Variants in M1AP observed in about 807,000 individuals in gnomAD.
M1AP encodes meiosis 1 associated protein.
A neutral mutation model predicts 51.2 loss-of-function variants in M1AP; 39 were observed. The observed-to-expected ratio is 0.76, with a 90% CI of 0.59 to 1.00. The LOEUF (loss-of-function observed/expected upper bound fraction) is 1.00, where lower values mean the gene tolerates loss of function less well. M1AP is among the 50% of genes least tolerant of loss of function. M1AP has a pLI of 0.00. For synonymous variants in M1AP, 251 were observed against 249.2 expected (o/e 1.01, Z -0.07); for missense variants, 545 against 641.2 (o/e 0.85, Z 1.62).
chr2:74,619,968 A>G (rs1204730809), intron 2 of M1AP, among the ~76,000 whole-genome samples: 1 of 152,176 alleles, frequency 6.6e-6, no homozygotes, highest in Non-Finnish European at 1.5e-5. Flanking sequence ...CCCCAGATAC[A>G]TCCTTATTTA....
intron 7 of M1AP, among the ~76,000 whole-genome samples, chr2:74,562,745 GA>G (rs1338620908): frequency 1.3e-5 from 2 of 152,140 alleles, no homozygotes; most frequent in Non-Finnish European, 2.9e-5. Flanking sequence ...GGACTTTTAA[GA>G]ATTATAATTC....
intron 1 of M1AP, among the ~76,000 whole-genome samples, chr2:74,640,683 C>T (rs573431414): frequency 1.3e-4 from 20 of 152,140 alleles, no homozygotes; most frequent in African/African-American, 4.6e-4. Context: ...GTCTTGATCT[C>T]TTGACCTCAC....
At chr2:74,580,659 A>T (rs1222156952) in intron 5 of M1AP, among the ~76,000 whole-genome samples, 3 of 152,166 alleles carry the variant, frequency 2.0e-5, no homozygotes, top group African/African-American at 7.2e-5. Flanking sequence ...TAAAAACTCA[A>T]ATATACTGCC....
At chr2:74,622,538 G>T (rs1056442288) in intron 2 of M1AP, among the ~76,000 whole-genome samples, 1 of 141,764 alleles carries the variant, frequency 7.1e-6, no homozygotes, top group African/African-American at 2.8e-5. Flanking sequence ...CCCGGCCATT[G>T]CCTGCTTTTT....
chr2:74,607,599 G>A (rs1020429656), intron 3 of M1AP, among the ~76,000 whole-genome samples: 1 of 152,104 alleles, frequency 6.6e-6, no homozygotes, highest in Admixed American at 6.6e-5. Context: ...TCAGCCTCCT[G>A]GATAGCTGGG....
Position 74,615,045 on chromosome 2 carries a change from T to C in M1AP, c.345A>G (p.Ala115=), listed in dbSNP as rs115244056. ...TGAATTGCTGGAGCCCATCCTCTAC[T>C]GCCAGCCGCAGAGAAGCACCTTGTG... is the stretch of plus-strand genomic sequence containing the variant. ...FRSQGASLRL[A]VEDGLQQFKQ... is the part of the protein sequence containing the mutation. Residue 115 remains alanine (A), a synonymous_variant, in exon 3 of 11, where the codon GCA becomes GCG. Coordinates refer to ENST00000421985, the MANE Select transcript of M1AP (RefSeq NM_001321739.2). 2 of 1,614,060 alleles carry C rather than the reference T, an allele frequency of 1.2e-6. No homozygotes were observed. Among genetic ancestry groups the C allele is most frequent in the Admixed American group, 1.7e-5 (1 of 60,004 alleles).
intron 5 of M1AP, among the ~76,000 whole-genome samples, chr2:74,577,757 C>T (rs534420905): frequency 6.6e-6 from 1 of 152,284 alleles, no homozygotes; most frequent in African/African-American, 2.4e-5. Flanking sequence ...AGGACTCCAG[C>T]TTCCTCTTAT....
Position 74,558,808 on chromosome 2 carries a change from C to T in M1AP, c.1501G>A (p.Gly501Ser). The T allele has an allele frequency of 1.2e-6, 2 of 1,611,416 alleles. No homozygotes were observed. The change falls in exon 11 of 11, where the codon GGC becomes AGC. Residue 501 changes from glycine (G) to serine (S), a missense_variant. Transcript: ENST00000421985. ...VAPLPMTPVP[G>S]RASKMPAASK... ...GCTGCTGGCATCTTGGAGGCTCTGC[C>T]TGGGACAGGAGTCATAGGCAGGGGG... is the stretch of plus-strand genomic sequence containing the variant.
At chr2:74,620,253 A>C (rs181265731) in intron 2 of M1AP, among the ~76,000 whole-genome samples, 1 of 152,372 alleles carries the variant, frequency 6.6e-6, no homozygotes, top group African/African-American at 2.4e-5. Flanking sequence ...AAACAGTGTC[A>C]ATGTTCAGTT....
intron 2 of M1AP, among the ~76,000 whole-genome samples, chr2:74,635,387 T>C (rs527847135): frequency 6.6e-6 from 1 of 152,248 alleles, no homozygotes; most frequent in Non-Finnish European, 1.5e-5. Context: ...TTCCTTGTCA[T>C]TCTTGCCAGA....
chr2:74,611,979 C>T lies in M1AP; in HGVS notation c.426+2985G>A, dbSNP rs1272954976. On this transcript the variant is annotated intron_variant, in intron 3 of 10. Transcript: ENST00000421985. The stretch of plus-strand genomic sequence containing the variant: ...CGCGATCTCGGCTCACTGCAAGCTC[C>T]GCCTCCCAGGTTCACGCCATTCTCC... Among the ~76,000 whole-genome samples, 18 of 129,846 alleles carry T rather than the reference C, an allele frequency of 1.4e-4. No homozygotes were observed. The South Asian group carries it at 1.7e-3, about 12-fold the overall frequency. The allele number at this position is 129,846 out of a possible 152,430, so 85.2% of individuals were successfully genotyped here.
chr2:74,644,662 T>C (rs988170761), intron 1 of M1AP, among the ~76,000 whole-genome samples: 1 of 152,194 alleles, frequency 6.6e-6, no homozygotes, highest in African/African-American at 2.4e-5. Context: ...TTTTTAAAAA[T>C]TGAGTTCCAA....
chr2:74,610,667 G>A (rs1681283756), intron 3 of M1AP, among the ~76,000 whole-genome samples: 1 of 152,006 alleles, frequency 6.6e-6, no homozygotes, highest in African/African-American at 2.4e-5. Context: ...TGTTGTCCAG[G>A]CCAGTCTTGA....
intron 2 of M1AP, chr2:74,619,039 AG>A (rs1272333182): frequency 2.0e-6 from 1 of 488,378 alleles, no homozygotes; most frequent in Non-Finnish European, 4.1e-6. Context: ...GGCAGGAAAA[AG>A]GTAAAGTAAT....
At chr2:74,597,139 A>AT (rs1363347066) in intron 4 of M1AP, among the ~76,000 whole-genome samples, 5 of 152,194 alleles carry the variant, frequency 3.3e-5, no homozygotes, top group African/African-American at 7.2e-5. Flanking sequence ...GAAAGGAAAA[A>AT]TTTTTTAAAT....
intron 2 of M1AP, among the ~76,000 whole-genome samples, chr2:74,631,924 A>T (rs1008018318): frequency 4.5e-4 from 69 of 152,352 alleles, no homozygotes; most frequent in Non-Finnish European, 7.1e-4. Flanking sequence ...TTTATATTTT[A>T]AGCTGCTTCT....
At chr2:74,624,414 C>T (rs962806829) in intron 2 of M1AP, among the ~76,000 whole-genome samples, 4 of 152,152 alleles carry the variant, frequency 2.6e-5, no homozygotes, top group Admixed American at 6.5e-5. Flanking sequence ...GGCTTTCATA[C>T]ATGAACTTTT....
intron 4 of M1AP, among the ~76,000 whole-genome samples, chr2:74,604,346 T>G (rs545223396): frequency 6.6e-6 from 1 of 152,188 alleles, no homozygotes; most frequent in Non-Finnish European, 1.5e-5. Flanking sequence ...GTCCCCAAAC[T>G]TTTTGGCATG....
intron 3 of M1AP, among the ~76,000 whole-genome samples, chr2:74,614,756 C>T (rs557115033): frequency 6.6e-6 from 1 of 152,276 alleles, no homozygotes; most frequent in African/African-American, 2.4e-5. Flanking sequence ...TTTTAGAGCT[C>T]TTCTCTATAA....
Sources: allele counts gnomAD v4.1 joint callset (sites outside exome capture counted in the v4.1 genomes callset), GRCh38; gene constraint gnomAD v4.1.1; transcripts MANE v1.5; gene names NCBI Gene and HGNC (gene_info 2026-07-23, HGNC 2026-07-21).